COL5A1: variants seen among roughly 807,000 people sequenced by gnomAD.
COL5A1 encodes the protein collagen type V alpha 1 chain.
Under a neutral mutation model 263.7 loss-of-function variants are expected in COL5A1, and 16 were observed. That is an observed-to-expected ratio of 0.06 (90% CI 0.04 to 0.09). COL5A1 has a LOEUF of 0.09. Among genes scored for constraint, COL5A1 ranks in the 10% least tolerant of loss-of-function variants. COL5A1 has a pLI of 1.00. For synonymous variants in COL5A1, 1,012 were observed against 1,004.5 expected (o/e 1.01, Z -0.14); for missense variants, 2,036 against 2,540.5 (o/e 0.80, Z 4.27).
chr9:134,709,029 C>A, intron 4 of COL5A1: 1 of 445,498 alleles, frequency 2.2e-6, no homozygotes, highest in Non-Finnish European at 4.5e-6. Flanking sequence ...TAGGGCCCAT[C>A]CTAATCTAGG....
At chr9:134,829,624 G>C (rs1023874952) in intron 63 of COL5A1, among the ~76,000 whole-genome samples, 6 of 149,928 alleles carry the variant, frequency 4.0e-5, no homozygotes, top group Non-Finnish European at 8.9e-5. Context: ...TCCTCACGCG[G>C]CCTCCAGTCT....
chr9:134,814,542 C>G (rs1240332744), intron 49 of COL5A1, among the ~76,000 whole-genome samples: 1 of 152,178 alleles, frequency 6.6e-6, no homozygotes, highest in African/African-American at 2.4e-5. Flanking sequence ...AGGAGTCAGT[C>G]CCTCCCACCC....
chr9:134,675,754 C>T lies in COL5A1; in HGVS notation c.110-15158C>T, dbSNP rs559545778. Among the ~76,000 whole-genome samples, 30 of 152,212 alleles carry T rather than the reference C, an allele frequency of 2.0e-4. 1 individual carries two copies. The highest frequency in any genetic ancestry group is 7.2e-4 in the African/African-American group (30 of 41,522). ...GTTGATCCTGGCTGTTGGCTGAGGG[C>T]CTGGGGTTCTCTTCACATGGAGCCC... On this transcript the variant is annotated intron_variant, in intron 1 of 65. Coordinates refer to ENST00000371817, the MANE Select transcript of COL5A1 (RefSeq NM_000093.5).
intron 65 of COL5A1, among the ~76,000 whole-genome samples, chr9:134,839,013 G>C (rs1839933795): frequency 6.6e-6 from 1 of 152,218 alleles, no homozygotes; most frequent in African/African-American, 2.4e-5. Context: ...TTTAATTACG[G>C]AGGCTGCTGC....
At chr9:134,713,884 G>A (rs1431724536) in intron 4 of COL5A1, among the ~76,000 whole-genome samples, 1 of 152,172 alleles carries the variant, frequency 6.6e-6, no homozygotes, top group Non-Finnish European at 1.5e-5. Context: ...GTGGGGTCTT[G>A]TCCAGAGGAG....
At chr9:134,832,406 C>CA (rs943255897) in intron 64 of COL5A1, among the ~76,000 whole-genome samples, 2,054 of 149,936 alleles carry the variant, frequency 0.014, 37 homozygotes, top group African/African-American at 0.045. Flanking sequence ...ACTCCGTCTC[C>CA]AAAAAAAAAG....
At chr9:134,812,215 C>A (rs557714620) in intron 46 of COL5A1, among the ~76,000 whole-genome samples, 4 of 152,314 alleles carry the variant, frequency 2.6e-5, no homozygotes, top group Admixed American at 6.5e-5. Context: ...TTATGGGTTC[C>A]TGCCATAATC....
intron 33 of COL5A1, 65 bp downstream of exon 33, chr9:134,795,191 C>G: frequency 6.2e-7 from 1 of 1,612,906 alleles, no homozygotes; most frequent in South Asian, 1.1e-5. Flanking sequence ...GAGCACGTGC[C>G]AGGGGCTGGG....
intron 27 of COL5A1, among the ~76,000 whole-genome samples, chr9:134,775,489 A>T (rs1837020712): frequency 6.6e-6 from 1 of 152,234 alleles, no homozygotes; most frequent in African/African-American, 2.4e-5. Flanking sequence ...CAACCTCGTT[A>T]CATGGGGCGC....
intron 57 of COL5A1, among the ~76,000 whole-genome samples, chr9:134,819,813 A>G (rs558384913): frequency 6.6e-6 from 1 of 152,372 alleles, no homozygotes; most frequent in Admixed American, 6.5e-5. Context: ...TGGAGAGCGT[A>G]TACGAAGAGA....
rs886063673 is a variant in COL5A1 at position 134,699,996 on chromosome 9, A to G, written c.365A>G (p.Glu122Gly). The G allele has an allele frequency of 2.5e-6, 4 of 1,613,844 alleles. No individual in the cohort carries two copies. Among genetic ancestry groups the G allele is most frequent in the South Asian group, 1.1e-5 (1 of 91,080 alleles). ...GCCTTCCTGGTCTCCATCTACAACG[A>G]GCAGGGTATCCAGCAGATTGGGCTG... ...SQAFLVSIYNEQGIQQIGLEL... is the reference protein window; with the variant it reads ...SQAFLVSIYNGQGIQQIGLEL... Residue 122 changes from glutamate (E) to glycine (G), a missense_variant, in exon 3 of 66, where the codon GAG becomes GGG. Coordinates refer to ENST00000371817, the MANE Select transcript of COL5A1 (RefSeq NM_000093.5).
chr9:134,813,698 A>AAT (rs1838627748), intron 48 of COL5A1, among the ~76,000 whole-genome samples: 1 of 152,156 alleles, frequency 6.6e-6, no homozygotes, highest in South Asian at 2.1e-4. Context: ...CCAGCTTCTC[A>AAT]TAGTTGCCCT....
Position 134,642,252 on chromosome 9 carries a change from C to CGCTGCTGCT in COL5A1, c.76_84dup (p.Leu26_Leu28dup), listed in dbSNP as rs773994971. On this transcript the variant is annotated inframe_insertion, in exon 1 of 66. Coordinates refer to ENST00000371817, the MANE Select transcript of COL5A1 (RefSeq NM_000093.5). This position sits in a 1 kb window ranked among gnomAD's most constrained non-coding sequence, Gnocchi z 4.5. ...CGCCCGGGCGCCCCGCTGCTGCCCC[C>CGCTGCTGCT]GCTGCTGCTGCTGCTGCTGTGGGCG... 4.7e-6 allele frequency: 6 copies of CGCTGCTGCT among 1,270,288 alleles called. No individual in the cohort carries two copies. The highest frequency in any genetic ancestry group is 3.5e-5 in the East Asian group (1 of 28,558). 78.7% of individuals were successfully genotyped at this position (1,270,288 alleles called of 1,614,324 possible).
At chr9:134,720,355 C>CCGGCCAG (rs1032659523) in intron 4 of COL5A1, among the ~76,000 whole-genome samples, 1 of 152,220 alleles carries the variant, frequency 6.6e-6, no homozygotes, top group African/African-American at 2.4e-5. Flanking sequence ...GCACCTCCCG[C>CCGGCCAG]CGGCCAGTGC....
chr9:134,717,677 A>G (rs1157005744), intron 4 of COL5A1, among the ~76,000 whole-genome samples: 3 of 152,204 alleles, frequency 2.0e-5, no homozygotes, highest in African/African-American at 7.2e-5. Flanking sequence ...TCTCTCATGG[A>G]CAACATGCTT....
intron 19 of COL5A1, 88 bp downstream of exon 19, chr9:134,762,066 T>C (rs1190444518): frequency 1.4e-6 from 2 of 1,421,274 alleles, no homozygotes; most frequent in African/African-American, 2.8e-5. Flanking sequence ...GAGGCCCAGG[T>C]GTGGGATTGG....
Position 134,824,708 on chromosome 9 carries a change from G to A in COL5A1, c.4807G>A (p.Asp1603Asn). Residue 1603 changes from aspartate (D) to asparagine (N), a missense_variant, in exon 62 of 66, where the codon GAC (aspartate) becomes AAC (asparagine). By Grantham distance (23) the Asp-to-Asn change is conservative (BLOSUM62 1). This residue lies in a region of COL5A1 where 358 missense variants were observed against 384.6 expected (regional missense o/e 0.93). Transcript: ENST00000371817. Reference protein sequence around the residue: ...LDDGNGENYVDYADGMEEIFG... With the variant: ...LDDGNGENYVNYADGMEEIFG... ...CGACGGGAATGGCGAGAACTACGTG[G>A]ACTACGCGGACGGCATGGAAGAGAT... The A allele has an allele frequency of 6.2e-7, 1 of 1,614,208 alleles. No homozygotes were observed. The highest frequency in any genetic ancestry group is 2.2e-5 in the East Asian group (1 of 44,874).
intron 63 of COL5A1, among the ~76,000 whole-genome samples, chr9:134,826,216 C>T (rs1477126185): frequency 6.6e-6 from 1 of 152,194 alleles, no homozygotes; most frequent in Non-Finnish European, 1.5e-5. Context: ...TCAGTGGTCC[C>T]ACTGACCTGA....
intron 62 of COL5A1, 143 bp downstream of exon 62, chr9:134,824,998 G>C: frequency 8.4e-7 from 1 of 1,193,728 alleles, no homozygotes; most frequent in Non-Finnish European, 1.1e-6. Flanking sequence ...TGGGGCCGGG[G>C]TGCGCAAGAG....
Sources: gnomAD v4.1 joint callset for allele counts (sites outside exome capture counted in the v4.1 genomes callset) on GRCh38, gnomAD v4.1.1 for gene constraint, gnomAD v4.1.1 regional missense constraint, Gnocchi (gnomAD v3.1) non-coding constraint, MANE v1.5 for transcripts, NCBI Gene and HGNC (gene_info 2026-07-23, HGNC 2026-07-21) for gene names.